UNC79: variants seen among roughly 807,000 people sequenced by gnomAD.
UNC79 encodes the protein unc-79 subunit of NALCN channel complex.
In UNC79, 37 loss-of-function variants were observed where a neutral mutation model predicts 283.1. That is an observed-to-expected ratio of 0.13 (90% CI 0.10 to 0.17). UNC79 has a LOEUF of 0.17. Among genes scored for constraint, UNC79 ranks in the 10% least tolerant of loss-of-function variants. The pLI is 1.00. For synonymous variants in UNC79, 1,107 were observed against 1,200.2 expected (o/e 0.92, Z 1.61); for missense variants, 2,272 against 3,211.1 (o/e 0.71, Z 7.07).
chr14:93,699,207 A>C (rs1398661452), intron 47 of UNC79, among the ~76,000 whole-genome samples: 2 of 152,126 alleles, frequency 1.3e-5, no homozygotes, highest in African/African-American at 4.8e-5. Flanking sequence ...TGTTGGGTTT[A>C]AATCTATTAT....
chr14:93,658,457 G>A (rs1254098012), intron 38 of UNC79, among the ~76,000 whole-genome samples: 5 of 152,176 alleles, frequency 3.3e-5, no homozygotes, highest in East Asian at 1.9e-4. Flanking sequence ...TAATGTAGGT[G>A]CACAGCTGCA....
chr14:93,432,840 C>A (rs551782309), intron 1 of UNC79, among the ~76,000 whole-genome samples: 1 of 152,160 alleles, frequency 6.6e-6, no homozygotes, highest in Non-Finnish European at 1.5e-5. Context: ...TTACATATTA[C>A]GTAAGTAATT....
intron 46 of UNC79, among the ~76,000 whole-genome samples, chr14:93,692,261 G>A (rs559697483): frequency 7.9e-5 from 12 of 152,146 alleles, no homozygotes; most frequent in East Asian, 5.8e-4. Context: ...AAATAAGTAC[G>A]TAAGGCAATG....
At chr14:93,354,565 G>A (rs893955652) in intron 1 of UNC79, among the ~76,000 whole-genome samples, 11 of 152,196 alleles carry the variant, frequency 7.2e-5, no homozygotes, top group Admixed American at 6.5e-4. Flanking sequence ...TGGTGCTATC[G>A]TGGCTTACTG....
intron 27 of UNC79, 88 bp downstream of exon 28, chr14:93,613,171 A>G (rs1419679632): frequency 8.5e-6 from 13 of 1,534,218 alleles, no homozygotes; most frequent in Non-Finnish European, 1.1e-5. Context: ...ACGTTGGTTC[A>G]GCATAAAGGT....
At chr14:93,666,254 T>G (rs1325513383) in intron 40 of UNC79, among the ~76,000 whole-genome samples, 1 of 151,920 alleles carries the variant, frequency 6.6e-6, no homozygotes, top group African/African-American at 2.4e-5. Context: ...GAATAAAAAT[T>G]CAATCAAGAC....
At chr14:93,443,442 A>G (rs1456019334) in intron 1 of UNC79, among the ~76,000 whole-genome samples, 2 of 128,324 alleles carry the variant, frequency 1.6e-5, no homozygotes, top group South Asian at 4.9e-4. Context: ...TTTTTTTCTC[A>G]AGACGGACTC....
chr14:93,387,703 G>A (rs975643244), intron 1 of UNC79, among the ~76,000 whole-genome samples: 17 of 152,212 alleles, frequency 1.1e-4, no homozygotes, highest in African/African-American at 4.1e-4. Flanking sequence ...AGAAAAGAAT[G>A]TCTATTCTGC....
At chr14:93,556,561 C>T (rs911041555) in intron 14 of UNC79, among the ~76,000 whole-genome samples, 5 of 152,038 alleles carry the variant, frequency 3.3e-5, no homozygotes, top group African/African-American at 1.2e-4. Context: ...GTCTGTGGTG[C>T]CTCTTCTGTT....
intron 1 of UNC79, among the ~76,000 whole-genome samples, chr14:93,345,537 G>C (rs11622023): frequency 6.6e-6 from 1 of 152,054 alleles, no homozygotes; most frequent in Non-Finnish European, 1.5e-5. Flanking sequence ...ACAGGTGACT[G>C]TAAAAGCAAA....
intron 1 of UNC79, among the ~76,000 whole-genome samples, chr14:93,463,214 A>G (rs1245860451): frequency 2.6e-5 from 4 of 152,180 alleles, no homozygotes; most frequent in Admixed American, 2.6e-4. Flanking sequence ...TTGACTGTAC[A>G]GAATGCTCTG....
At chr14:93,477,113 G>A (rs531159478) in intron 3 of UNC79, among the ~76,000 whole-genome samples, 6 of 152,114 alleles carry the variant, frequency 3.9e-5, no homozygotes, top group East Asian at 1.9e-4. Context: ...ATTGCTGCTC[G>A]GCTGAAGGTT....
intron 1 of UNC79, among the ~76,000 whole-genome samples, chr14:93,444,409 T>C (rs1347034820): frequency 6.6e-6 from 1 of 152,166 alleles, no homozygotes; most frequent in Non-Finnish European, 1.5e-5. Context: ...ACAATGACTT[T>C]CGAGAAGCAA....
Position 93,688,567 on chromosome 14 carries a change from A to G in UNC79, c.6910-98A>G. 7.2e-7 allele frequency: 1 copy of G among 1,385,156 alleles called. No homozygotes were observed. The highest frequency in any genetic ancestry group is 9.9e-7 in the Non-Finnish European group (1 of 1,012,074). The allele number at this position is 1,385,156 out of a possible 1,614,324, so 85.8% of individuals were successfully genotyped here. On this transcript the variant is annotated intron_variant, in intron 43 of 48. Coordinates refer to ENST00000555664, the Ensembl canonical transcript of UNC79. The surrounding 1 kb of genome is among the most constrained non-coding windows in gnomAD (Gnocchi z 4.0). ...AGCAGGTTGTTTGCTCAGAGTGGCG[A>G]TAAGCGGGGTGGAAATGACAACCTC...
chr14:93,432,833 C>T (rs959448044), intron 1 of UNC79, among the ~76,000 whole-genome samples: 7 of 152,188 alleles, frequency 4.6e-5, no homozygotes, highest in African/African-American at 1.7e-4. Flanking sequence ...TGTGTAGTTA[C>T]ATATTACGTA....
chr14:93,607,749 A>G (rs1453671137), intron 26 of UNC79, among the ~76,000 whole-genome samples: 1 of 152,216 alleles, frequency 6.6e-6, no homozygotes, highest in Non-Finnish European at 1.5e-5. Flanking sequence ...CTTGGCCTGC[A>G]TTTGTATCCA....
intron 39 of UNC79, among the ~76,000 whole-genome samples, chr14:93,659,476 T>G (rs572807265): frequency 3.3e-5 from 5 of 152,206 alleles, no homozygotes; most frequent in Admixed American, 6.5e-5. Context: ...CTGCTAACCC[T>G]GGGCCATGCC....
intron 1 of UNC79, among the ~76,000 whole-genome samples, chr14:93,379,006 AG>A (rs1172239486): frequency 3.9e-5 from 6 of 152,204 alleles, no homozygotes; most frequent in African/African-American, 1.4e-4. Flanking sequence ...TGGCACTATG[AG>A]AAAGTAGCAA....
chr14:93,610,142 T>C (rs1384402389), intron 26 of UNC79, among the ~76,000 whole-genome samples: 2 of 152,162 alleles, frequency 1.3e-5, no homozygotes, highest in Non-Finnish European at 2.9e-5. Flanking sequence ...AGAAGGGTTT[T>C]TAAATATTTA....
Sources: gnomAD v4.1 joint callset for allele counts (sites outside exome capture counted in the v4.1 genomes callset) on GRCh38, gnomAD v4.1.1 for gene constraint, Gnocchi (gnomAD v3.1) non-coding constraint, MANE v1.5 for transcripts, NCBI Gene and HGNC (gene_info 2026-07-23, HGNC 2026-07-21) for gene names.